Variants in RRBP1 observed in about 807,000 individuals in gnomAD.
RRBP1 encodes ribosome binding protein 1, also known as ribosome-binding protein 1.
Under a neutral mutation model 165.2 loss-of-function variants are expected in RRBP1, and 94 were observed. That is an observed-to-expected ratio of 0.57 (90% CI 0.48 to 0.68). The LOEUF is 0.68. RRBP1 is among the 30% of genes least tolerant of loss of function. RRBP1 has a pLI of 0.00. For synonymous variants in RRBP1, 680 were observed against 714.5 expected, an observed-to-expected ratio of 0.95 and a Z score of 0.77; for missense variants, 1,676 against 1,763.0, an observed-to-expected ratio of 0.95 and a Z score of 0.88.
chr20:17,649,572 G>C (rs2122398917), intron 3 of RRBP1, among the ~76,000 whole-genome samples: 1 of 150,520 alleles, frequency 6.6e-6, no homozygotes, highest in African/African-American at 2.4e-5. Flanking sequence ...GGCTACACAT[G>C]GGGAGGACAG....
intron 2 of RRBP1, among the ~76,000 whole-genome samples, chr20:17,665,523 C>T (rs1207449807): frequency 6.6e-6 from 1 of 152,162 alleles, no homozygotes; most frequent in African/African-American, 2.4e-5. Context: ...AGGCGTGTGT[C>T]ACCACGCCCA....
rs376673377 is a variant in RRBP1 at position 17,627,386 on chromosome 20, G to C, written c.2929-4C>G. On this transcript the variant is annotated splice_polypyrimidine_tract_variant and splice_region_variant and intron_variant, in intron 10 of 24. Coordinates refer to ENST00000377813, the MANE Select transcript of RRBP1 (RefSeq NM_001365613.2). ...GGTCAGCCTCCGCCTGGCTGGCCTG[G>C]AATGAGAGACAAAAGCTCCTTGGTC... 5.6e-5 allele frequency: 90 copies of C among 1,613,840 alleles called. No homozygotes were observed. The highest frequency in any genetic ancestry group is 1.5e-4 in the Admixed American group (9 of 59,980).
intron 8 of RRBP1, among the ~76,000 whole-genome samples, chr20:17,632,269 G>A (rs2036164648): frequency 6.6e-6 from 1 of 152,196 alleles, no homozygotes; most frequent in Admixed American, 6.5e-5. Flanking sequence ...GTCTGGAGAG[G>A]ACAGGAGATA....
intron 13 of RRBP1, among the ~76,000 whole-genome samples, chr20:17,623,784 T>C (rs1456123812): frequency 1.3e-5 from 2 of 151,834 alleles, no homozygotes; most frequent in Non-Finnish European, 2.9e-5. Flanking sequence ...ATGCAAAACT[T>C]AGCCGGGCGT....
At position 17,621,464 on chromosome 20, in the gene RRBP1, C is replaced by T. The variant is rs549120495; in HGVS notation, c.3408G>A (p.Ala1136=). 67 of 1,611,638 alleles carry T rather than the reference C, an allele frequency of 4.2e-5. No homozygotes were observed. The highest frequency in any genetic ancestry group is 9.9e-5 in the South Asian group (9 of 91,024). Residue 1136 remains alanine, a synonymous_variant, in exon 16 of 25, where the codon GCG becomes GCA. Coordinates refer to ENST00000377813, the MANE Select transcript of RRBP1 (RefSeq NM_001365613.2). ...AECDQYRSIL[A]ETEGMLRDLQ... Reference sequence around the variant, plus strand: ...ACAGGTTCCCAATGCTCACCGTCTCCGCCAGGATGCTGCGGTACTGGTCAC... The same window carrying T: ...ACAGGTTCCCAATGCTCACCGTCTCTGCCAGGATGCTGCGGTACTGGTCAC...
intron 8 of RRBP1, among the ~76,000 whole-genome samples, chr20:17,632,311 C>T (rs1041708529): frequency 2.6e-5 from 4 of 152,128 alleles, no homozygotes; most frequent in African/African-American, 4.8e-5. Context: ...CTAGATCCTT[C>T]GTAGGAATGA....
intron 1 of RRBP1, 58 bp from the exon 2 acceptor site, chr20:17,680,133 A>AGTG: frequency 6.6e-6 from 1 of 152,242 alleles, no homozygotes; most frequent in East Asian, 1.9e-4. Context: ...AAGTTCGTAA[A>AGTG]CGAGTCAAGA....
At chr20:17,670,679 A>G (rs2036960663) in intron 2 of RRBP1, among the ~76,000 whole-genome samples, 1 of 152,062 alleles carries the variant, frequency 6.6e-6, no homozygotes, top group Non-Finnish European at 1.5e-5. Flanking sequence ...ACTTGCCATC[A>G]CCTTCCTTCC....
chr20:17,638,956 G>A (rs947936675), intron 5 of RRBP1, among the ~76,000 whole-genome samples: 1 of 152,100 alleles, frequency 6.6e-6, no homozygotes, highest in African/African-American at 2.4e-5. Flanking sequence ...CCCATCCCCA[G>A]GTAAACCCTC....
chr20:17,681,691 C>CCGGCCCGA (rs1261180626), intron 1 of RRBP1, among the ~76,000 whole-genome samples: 1 of 150,166 alleles, frequency 6.7e-6, no homozygotes, highest in Non-Finnish European at 1.5e-5. Context: ...AGCGCGCTGG[C>CCGGCCCGA]CGGCCCGACG....
intron 11 of RRBP1, among the ~76,000 whole-genome samples, chr20:17,626,326 C>T (rs1371294809): frequency 6.6e-6 from 1 of 152,182 alleles, no homozygotes; most frequent in Admixed American, 6.5e-5. Context: ...CCAACAAACA[C>T]CACCAGGAGA....
intron 16 of RRBP1, 36 bp downstream of exon 16, chr20:17,621,422 C>T: frequency 6.5e-7 from 1 of 1,543,776 alleles, no homozygotes; most frequent in Non-Finnish European, 8.9e-7. Context: ...CTGCAGCCTC[C>T]CAGGGATGCC....
At chr20:17,631,859 G>GA (rs754012421) in intron 8 of RRBP1, among the ~76,000 whole-genome samples, 1 of 152,244 alleles carries the variant, frequency 6.6e-6, no homozygotes, top group South Asian at 2.1e-4. Flanking sequence ...TCACAATATG[G>GA]AAAGAGCCCC....
chr20:17,632,658 G>C (rs1343082802), intron 8 of RRBP1, among the ~76,000 whole-genome samples: 1 of 29,036 alleles, frequency 3.4e-5, no homozygotes, highest in Non-Finnish European at 6.9e-5. Flanking sequence ...AGGGCCCTAA[G>C]CCCCTGGGGT....
intron 11 of RRBP1, 52 bp from the exon 12 acceptor site, chr20:17,625,654 T>TTGG: frequency 3.4e-6 from 5 of 1,470,360 alleles, no homozygotes; most frequent in Non-Finnish European, 3.8e-6. Context: ...CTACAGCCCC[T>TTGG]ACAGATCCCA....
chr20:17,670,194 G>A (rs6111602), intron 2 of RRBP1, among the ~76,000 whole-genome samples: 6,987 of 152,088 alleles, frequency 0.046, 485 homozygotes, highest in African/African-American at 0.15. Flanking sequence ...CCTATAACCC[G>A]TAGGTGTGGA....
At chr20:17,616,664 C>A in intron 21 of RRBP1, 68 bp downstream of exon 21, 1 of 1,088,042 alleles carries the variant, frequency 9.2e-7, no homozygotes, top group Non-Finnish European at 1.4e-6. Context: ...TTAGTCCGAA[C>A]GGAGGCAGCA....
chr20:17,654,298 C>T lies in RRBP1; in HGVS notation c.1912+4298G>A, dbSNP rs576750620. Reference sequence around the variant, plus strand: ...GCAGCAGGTGCTGAGTGTGAAGCATCTTAAGCCAGAGTCCTAAATGCTTCT... The same window carrying T: ...GCAGCAGGTGCTGAGTGTGAAGCATTTTAAGCCAGAGTCCTAAATGCTTCT... On this transcript the variant is annotated intron_variant, in intron 3 of 24. Coordinates refer to ENST00000377813, the MANE Select transcript of RRBP1 (RefSeq NM_001365613.2). 1.8e-4 allele frequency among the ~76,000 whole-genome samples: 27 copies of T among 152,330 alleles called. 1 individual carries two copies. Among genetic ancestry groups the T allele is most frequent in the African/African-American group, 6.3e-4 (26 of 41,572 alleles).
intron 4 of RRBP1, among the ~76,000 whole-genome samples, chr20:17,642,526 A>C (rs928896055): frequency 6.6e-6 from 1 of 152,194 alleles, no homozygotes; most frequent in Admixed American, 6.5e-5. Context: ...CCAGTGAAGG[A>C]ATGTGCCACG....
Sources: gnomAD v4.1 joint callset for allele counts (sites outside exome capture counted in the v4.1 genomes callset) on GRCh38, gnomAD v4.1.1 for gene constraint, MANE v1.5 for transcripts, NCBI Gene and HGNC (gene_info 2026-07-23, HGNC 2026-07-21) for gene names.